DPP6: variants seen among roughly 807,000 people sequenced by gnomAD.
The protein encoded by DPP6 is A-type potassium channel modulatory protein DPP6.
DPP6 carries 69 observed loss-of-function variants against 122.6 expected under a neutral mutation model. That is an observed-to-expected ratio of 0.56 (90% CI 0.46 to 0.69). The LOEUF is 0.69. DPP6 is among the 30% of genes least tolerant of loss of function. DPP6 has a pLI of 0.00. For missense variants in DPP6, 928 were observed against 1,116.9 expected, an observed-to-expected ratio of 0.83 and a Z score of 2.41; for synonymous variants, 418 against 433.1, an observed-to-expected ratio of 0.97 and a Z score of 0.43.
the DPP6 span, among the ~76,000 whole-genome samples, chr7:153,762,497 G>A: frequency 3.0e-4 from 46 of 152,170 alleles, no homozygotes; most frequent in Non-Finnish European, 2.1e-4. Context: ...CCCGCCTGGC[G>A]CGGTGGCTCA....
chr7:154,387,647 C>T (rs984558118), intron 1 of DPP6, among the ~76,000 whole-genome samples: 3 of 152,202 alleles, frequency 2.0e-5, no homozygotes, highest in African/African-American at 4.8e-5. Context: ...CCAGCCCCCA[C>T]ATTATCATGT....
chr7:154,178,765 A>G (rs1797933882), intron 1 of DPP6, among the ~76,000 whole-genome samples: 1 of 152,204 alleles, frequency 6.6e-6, no homozygotes, highest in African/African-American at 2.4e-5. Context: ...TGCAGTTTAC[A>G]TGGAAGGATT....
chr7:153,887,701 G>A (rs1427120087), exon 1 of DPP6: 1 of 1,613,842 alleles, frequency 6.2e-7, no homozygotes, highest in Non-Finnish European at 8.5e-7. Flanking sequence ...AAAAGGCCAT[G>A]ATCAAGACCG....
the DPP6 span, among the ~76,000 whole-genome samples, chr7:153,783,598 T>C: frequency 6.6e-6 from 1 of 152,190 alleles, no homozygotes; most frequent in African/African-American, 2.4e-5. Context: ...ATAAAATCTA[T>C]ATTAGATGTA....
At chr7:154,779,020 C>T (rs1353562414) in intron 10 of DPP6, among the ~76,000 whole-genome samples, 5 of 151,686 alleles carry the variant, frequency 3.3e-5, no homozygotes, top group Admixed American at 6.6e-5. Flanking sequence ...AGCACCCCAC[C>T]ATCACCTCCA....
At chr7:154,756,456 G>C (rs1417570140) in intron 8 of DPP6, among the ~76,000 whole-genome samples, 7 of 152,132 alleles carry the variant, frequency 4.6e-5, no homozygotes, top group African/African-American at 1.7e-4. Context: ...AGTTAATAGA[G>C]CTCTCACATC....
At chr7:154,748,628 C>G (rs1236443856) in intron 8 of DPP6, among the ~76,000 whole-genome samples, 1 of 152,252 alleles carries the variant, frequency 6.6e-6, no homozygotes, top group African/African-American at 2.4e-5. Context: ...TTCCTGAGCA[C>G]CTCCCTGCAC....
intron 1 of DPP6, among the ~76,000 whole-genome samples, chr7:153,952,479 A>C (rs1413435035): frequency 6.6e-6 from 1 of 152,224 alleles, no homozygotes; most frequent in African/African-American, 2.4e-5. Context: ...AAATTAAAGA[A>C]AGTGTTTTAT....
intron 1 of DPP6, among the ~76,000 whole-genome samples, chr7:154,072,502 A>C (rs1454235909): frequency 1.3e-5 from 2 of 152,188 alleles, no homozygotes; most frequent in African/African-American, 4.8e-5. Flanking sequence ...TAATGCATGA[A>C]TTGCACAGAT....
chr7:154,556,504 GATGTA>G (rs1488677786), intron 4 of DPP6, among the ~76,000 whole-genome samples: 13 of 152,164 alleles, frequency 8.5e-5, no homozygotes, highest in Admixed American at 7.9e-4. Context: ...CATCTACAAA[GATGTA>G]ATGTAAGTCT....
At chr7:153,781,370 G>C in the DPP6 span, among the ~76,000 whole-genome samples, 5 of 152,190 alleles carry the variant, frequency 3.3e-5, no homozygotes, top group African/African-American at 1.2e-4. Flanking sequence ...ACGCAGAGCA[G>C]TTGCAGCATT....
At chr7:154,405,372 T>C (rs1185559094) in intron 1 of DPP6, among the ~76,000 whole-genome samples, 1 of 152,224 alleles carries the variant, frequency 6.6e-6, no homozygotes, top group Non-Finnish European at 1.5e-5. Context: ...GTGACGTGCA[T>C]GTACTGGTGT....
chr7:154,435,997 A>G lies in DPP6; in HGVS notation c.244-10217A>G, dbSNP rs566346443. Among the ~76,000 whole-genome samples, 3 of 152,276 alleles carry G rather than the reference A, an allele frequency of 2.0e-5. No individual in the cohort carries two copies. In the East Asian group the frequency reaches 5.8e-4, roughly 29 times the overall value. On this transcript the variant is annotated intron_variant, in intron 1 of 25. Transcript: ENST00000377770. ...ATTCCACATTGGCCTGATATTTGAC[A>G]TATTTTAAGGCACAGTGGGAGAAGG...
intron 1 of DPP6, among the ~76,000 whole-genome samples, chr7:154,413,957 A>T (rs1411554337): frequency 1.3e-5 from 2 of 152,172 alleles, no homozygotes; most frequent in Admixed American, 1.3e-4. Context: ...ATTGAACTTT[A>T]AAAAAAGATA....
intron 7 of DPP6, among the ~76,000 whole-genome samples, chr7:154,712,852 T>G (rs1841269361): frequency 6.6e-6 from 1 of 152,178 alleles, no homozygotes; most frequent in Non-Finnish European, 1.5e-5. Flanking sequence ...AAATCTCATG[T>G]CCTCACAATT....
At chr7:153,884,987 A>AATACATACATATATATATATATAT (rs1209555021), upstream of DPP6, among the ~76,000 whole-genome samples, 26 of 116,464 alleles carry the variant, frequency 2.2e-4, no homozygotes, top group East Asian at 4.2e-3. Context: ...TCAAAACAAA[A>AATACATACATATATATATATATAT]ATATATATAT....
At chr7:153,906,555 A>G (rs1289253907) in intron 1 of DPP6, among the ~76,000 whole-genome samples, 2 of 152,116 alleles carry the variant, frequency 1.3e-5, no homozygotes, top group African/African-American at 4.8e-5. Context: ...GGCTCAGGTA[A>G]TCCTCCCACC....
At chr7:154,324,829 A>G (rs958737033) in intron 1 of DPP6, among the ~76,000 whole-genome samples, 4 of 134,632 alleles carry the variant, frequency 3.0e-5, no homozygotes, top group Non-Finnish European at 6.5e-5. Context: ...TATTGTCTCC[A>G]TTTTCTTTTC....
chr7:154,140,641 G>A (rs1795798390), intron 1 of DPP6, among the ~76,000 whole-genome samples: 1 of 152,126 alleles, frequency 6.6e-6, no homozygotes, highest in Admixed American at 6.5e-5. Context: ...TAAAGTACAA[G>A]GAGGATTCAG....
Sources: gnomAD v4.1 joint callset for allele counts (sites outside exome capture counted in the v4.1 genomes callset) on GRCh38, gnomAD v4.1.1 for gene constraint, MANE v1.5 for transcripts, NCBI Gene and HGNC (gene_info 2026-07-23, HGNC 2026-07-21) for gene names.